Variants in LRRK1 observed in about 807,000 individuals in gnomAD.
The protein encoded by LRRK1 is leucine rich repeat kinase 1, also known as leucine-rich repeat serine/threonine-protein kinase 1.
Under a neutral mutation model 209.1 loss-of-function variants are expected in LRRK1, and 113 were observed. The ratio of observed to expected loss-of-function variants is 0.54; its 90% confidence interval spans 0.46 to 0.63. The LOEUF (loss-of-function observed/expected upper bound fraction) is 0.63. Ranked by LOEUF, LRRK1 falls within the 30% of genes least tolerant of loss-of-function variation. The probability of loss-of-function intolerance (pLI) is 0.00; values close to 1 mark genes in which losing one functional copy is unlikely to be tolerated. For missense variants in LRRK1, 2,284 were observed against 2,632.2 expected (o/e 0.87, Z 2.89); for synonymous variants, 1,144 against 1,099.7 (o/e 1.04, Z -0.80).
At chr15:101,005,896 G>A (rs1292790635) in intron 6 of LRRK1, among the ~76,000 whole-genome samples, 1 of 152,238 alleles carries the variant, frequency 6.6e-6, no homozygotes. Flanking sequence ...GGTAATACAT[G>A]TAGAAAGAAA....
intron 2 of LRRK1, among the ~76,000 whole-genome samples, chr15:100,968,019 C>T (rs2030584629): frequency 6.6e-6 from 1 of 152,168 alleles, no homozygotes; most frequent in Non-Finnish European, 1.5e-5. Context: ...AAACTGATGT[C>T]CTTGTGCCCC....
intron 7 of LRRK1, among the ~76,000 whole-genome samples, 158 bp downstream of exon 7, chr15:101,009,221 C>T (rs963027541): frequency 1.3e-5 from 2 of 152,262 alleles, no homozygotes; most frequent in African/African-American, 4.8e-5. Context: ...GCCTCCCTTT[C>T]AGGTTAAAAC....
chr15:101,063,607 C>G (rs2036326676), intron 31 of LRRK1, among the ~76,000 whole-genome samples: 1 of 152,174 alleles, frequency 6.6e-6, no homozygotes, highest in South Asian at 2.1e-4. Flanking sequence ...GCACAAGAAG[C>G]CTTTACTGGT....
chr15:100,925,480 T>C (rs543049916), intron 2 of LRRK1, among the ~76,000 whole-genome samples: 35 of 152,226 alleles, frequency 2.3e-4, no homozygotes, highest in Non-Finnish European at 4.4e-4. Context: ...TGTTTACTCC[T>C]ACTGAGAGCA....
chr15:101,024,866 C>A lies in LRRK1; in HGVS notation c.2131C>A (p.Gln711Lys), dbSNP rs1287711282. 6.2e-7 allele frequency: 1 copy of A among 1,614,076 alleles called. No individual in the cohort carries two copies. Among genetic ancestry groups the A allele is most frequent in the Non-Finnish European group, 8.5e-7 (1 of 1,180,032 alleles). Residue 711 changes from glutamine to lysine, a missense_variant, in exon 16 of 34, where the codon CAG becomes AAG. This residue lies in a region of LRRK1 where 780 missense variants were observed against 985.2 expected (regional missense o/e 0.79). Coordinates refer to ENST00000388948, the MANE Select transcript of LRRK1 (RefSeq NM_024652.6). This position sits in a 1 kb window ranked among gnomAD's most constrained non-coding sequence, Gnocchi z 4.6. ...GGPASMATVN[Q>K]CFFTDKALYV... is the part of the protein sequence containing the mutation. ...ACCGGCCAGCATGGCCACTGTCAACCAGTGCTTCTTCACGGACAAGGCCCT... is the reference window on the plus strand; with the variant it reads ...ACCGGCCAGCATGGCCACTGTCAACAAGTGCTTCTTCACGGACAAGGCCCT...
chr15:101,059,697 T>C (rs1258283414), intron 29 of LRRK1, among the ~76,000 whole-genome samples: 2 of 151,988 alleles, frequency 1.3e-5, no homozygotes, highest in Non-Finnish European at 2.9e-5. Flanking sequence ...AGTTGAAAAA[T>C]AAACACAAAT....
At chr15:101,048,108 A>G (rs2035190205) in intron 21 of LRRK1, among the ~76,000 whole-genome samples, 1 of 152,184 alleles carries the variant, frequency 6.6e-6, no homozygotes, top group South Asian at 2.1e-4. Context: ...AGAAAAAAAA[A>G]AAATCCTGGA....
At chr15:101,041,085 A>G (rs2034732261) in intron 20 of LRRK1, among the ~76,000 whole-genome samples, 1 of 152,232 alleles carries the variant, frequency 6.6e-6, no homozygotes, top group Admixed American at 6.5e-5. Flanking sequence ...TATTGGTTAC[A>G]TATACACATT....
intron 20 of LRRK1, among the ~76,000 whole-genome samples, chr15:101,042,278 C>A (rs761985710): frequency 2.6e-5 from 4 of 151,946 alleles, no homozygotes; most frequent in Non-Finnish European, 5.9e-5. Flanking sequence ...TAATTTTTTG[C>A]TGGATAATTT....
chr15:100,977,737 C>T (rs985943823), intron 3 of LRRK1, among the ~76,000 whole-genome samples: 7 of 152,288 alleles, frequency 4.6e-5, no homozygotes, highest in South Asian at 4.1e-4. Context: ...ACCAGAGTGG[C>T]GTCAGAGGAG....
intron 20 of LRRK1, among the ~76,000 whole-genome samples, chr15:101,031,698 T>C (rs1453510239): frequency 6.6e-6 from 1 of 151,980 alleles, no homozygotes; most frequent in African/African-American, 2.4e-5. Context: ...AGAGACTGTA[T>C]GCTCCTCCAA....
At chr15:100,986,590 T>C (rs1427919285) in intron 4 of LRRK1, among the ~76,000 whole-genome samples, 2 of 152,196 alleles carry the variant, frequency 1.3e-5, no homozygotes, top group African/African-American at 2.4e-5. Flanking sequence ...CCTGGCTCTG[T>C]TGGCCAGAGA....
intron 2 of LRRK1, among the ~76,000 whole-genome samples, chr15:100,949,989 A>G (rs1231443485): frequency 6.6e-6 from 1 of 152,214 alleles, no homozygotes; most frequent in Non-Finnish European, 1.5e-5. Flanking sequence ...CACTACTTCT[A>G]TTCAACATTA....
chr15:101,074,446 G>A lies in LRRK1; in HGVS notation c.*5598G>A, dbSNP rs1028950306. 2 of 152,010 alleles carry A rather than the reference G, an allele frequency of 1.3e-5. No homozygotes were observed. The highest frequency in any genetic ancestry group is 4.8e-5 in the African/African-American group (2 of 41,352). The allele number at this position is 152,010 out of a possible 1,614,324, so 9.4% of individuals were successfully genotyped here. ...TTATCCCAAATCAGATAGCGTTTAG[G>A]CTCTTTTTCATCAAATATAAAAACC... On this transcript the variant is annotated 3_prime_UTR_variant, in exon 34 of 34. Coordinates refer to ENST00000388948, the MANE Select transcript of LRRK1 (RefSeq NM_024652.6).
chr15:100,966,994 A>G (rs929848709), intron 2 of LRRK1, among the ~76,000 whole-genome samples: 1 of 152,234 alleles, frequency 6.6e-6, no homozygotes, highest in Admixed American at 6.5e-5. Context: ...AGGCTACTTC[A>G]TACCTGCTTG....
chr15:100,975,749 T>A (rs2031257903), intron 3 of LRRK1, among the ~76,000 whole-genome samples: 1 of 152,030 alleles, frequency 6.6e-6, no homozygotes, highest in African/African-American at 2.4e-5. Context: ...CAAATCAATA[T>A]GAAATAATAA....
At chr15:100,947,248 T>C (rs1176453110) in intron 2 of LRRK1, among the ~76,000 whole-genome samples, 4 of 152,158 alleles carry the variant, frequency 2.6e-5, no homozygotes, top group Non-Finnish European at 2.9e-5. Flanking sequence ...TGAGCCACCA[T>C]GCCCAGGCTC....
intron 2 of LRRK1, among the ~76,000 whole-genome samples, chr15:100,933,859 G>GCTTGACTT (rs1205599260): frequency 8.8e-6 from 1 of 113,118 alleles, no homozygotes; most frequent in African/African-American, 3.4e-5. Flanking sequence ...AAAAAGATTT[G>GCTTGACTT]CTTGACTTCA....
chr15:100,980,717 A>C (rs868611045), intron 3 of LRRK1, among the ~76,000 whole-genome samples: 3 of 152,226 alleles, frequency 2.0e-5, no homozygotes, highest in Non-Finnish European at 2.9e-5. Context: ...AAAAATAGGT[A>C]AAGTATAATT....
Sources: allele counts gnomAD v4.1 joint callset (sites outside exome capture counted in the v4.1 genomes callset), GRCh38; gene constraint gnomAD v4.1.1; regional missense constraint gnomAD v4.1.1; non-coding constraint Gnocchi (gnomAD v3.1); transcripts MANE v1.5; gene names NCBI Gene and HGNC (gene_info 2026-07-23, HGNC 2026-07-21).